Variants in ARMC9 observed in about 807,000 individuals in gnomAD.
ARMC9 encodes the protein armadillo repeat containing 9.
In ARMC9, 94 loss-of-function variants were observed where a neutral mutation model predicts 107.0. The observed-to-expected ratio is 0.88, with a 90% CI of 0.74 to 1.04. ARMC9 has a LOEUF of 1.04. Among genes scored for constraint, ARMC9 ranks in the 50% least tolerant of loss-of-function variants. The probability of loss-of-function intolerance (pLI) is 0.00; values close to 1 mark genes in which losing one functional copy is unlikely to be tolerated. For synonymous variants in ARMC9, 380 were observed against 396.9 expected (o/e 0.96, Z 0.51); for missense variants, 942 against 1,030.1 (o/e 0.91, Z 1.17).
intron 19 of ARMC9, among the ~76,000 whole-genome samples, chr2:231,327,266 C>A (rs2043391624): frequency 6.6e-6 from 1 of 152,156 alleles, no homozygotes; most frequent in African/African-American, 2.4e-5. Flanking sequence ...ATTTTTAACT[C>A]TTCTGTTTTT....
Position 231,206,206 on chromosome 2 carries a change from G to A in ARMC9, c.-33G>A. ...GTATTTTTGCCTTCTAGAGATTTTT[G>A]CTGTGAGAATTAATTACCAGTAACA... is the stretch of plus-strand genomic sequence containing the variant. On this transcript the variant is annotated 5_prime_UTR_variant, in exon 2 of 25. Coordinates refer to ENST00000611582, the MANE Select transcript of ARMC9 (RefSeq NM_001352754.2). 1 of 1,596,658 alleles carries A rather than the reference G, an allele frequency of 6.3e-7. No individual in the cohort carries two copies. Among genetic ancestry groups the A allele is most frequent in the Admixed American group, 1.7e-5 (1 of 59,436 alleles).
At chr2:231,204,135 C>T (rs1054237994) in intron 1 of ARMC9, among the ~76,000 whole-genome samples, 4 of 147,140 alleles carry the variant, frequency 2.7e-5, no homozygotes, top group African/African-American at 1.0e-4. Context: ...GATCATGTCA[C>T]TGCACTCTAG....
At position 231,297,639 on chromosome 2, in the gene ARMC9, A is replaced by C. The variant is rs1447743005; in HGVS notation, c.1773+1386A>C. Among the ~76,000 whole-genome samples, 1 of 152,182 alleles carries C rather than the reference A, an allele frequency of 6.6e-6. No individual in the cohort carries two copies. The highest frequency in any genetic ancestry group is 1.5e-5 in the Non-Finnish European group (1 of 68,028). On this transcript the variant is annotated intron_variant, in intron 19 of 24. Transcript: ENST00000611582. This position sits in a 1 kb window ranked among gnomAD's most constrained non-coding sequence, Gnocchi z 4.2. ...TAAATATTCTTTCAAATACTTAAAA[A>C]CACAAAAATCATTCTTAGCTGGCGA...
At chr2:231,203,737 A>G (rs1264539546) in intron 1 of ARMC9, among the ~76,000 whole-genome samples, 1 of 152,172 alleles carries the variant, frequency 6.6e-6, no homozygotes, top group Non-Finnish European at 1.5e-5. Flanking sequence ...AGGCAGGTGG[A>G]TCACCTGAGG....
At chr2:231,346,168 C>T (rs2044804714) in intron 21 of ARMC9, among the ~76,000 whole-genome samples, 1 of 152,140 alleles carries the variant, frequency 6.6e-6, no homozygotes. Context: ...CTAGTACATG[C>T]CCTTTTCTCT....
At chr2:231,258,127 TGACCACACCTTCTACCTCCTTG>T (rs981919130) in intron 10 of ARMC9, among the ~76,000 whole-genome samples, 2 of 152,288 alleles carry the variant, frequency 1.3e-5, no homozygotes, top group African/African-American at 4.8e-5. Context: ...TGCTGCTTCC[TGACCACACCTTCTACCTCCTTG>T]GAGGGCTAAG....
rs561769748 is a variant in ARMC9 at position 231,297,386 on chromosome 2, G to C, written c.1773+1133G>C. ...CTTGAGCTCACACAGAGAGTTGATG[G>C]TGGTAAAATTGGGTTTAGAACAGGA... On this transcript the variant is annotated intron_variant, in intron 19 of 24. Coordinates refer to ENST00000611582, the MANE Select transcript of ARMC9 (RefSeq NM_001352754.2). This position sits in a 1 kb window ranked among gnomAD's most constrained non-coding sequence, Gnocchi z 4.2. Among the ~76,000 whole-genome samples the C allele has an allele frequency of 4.6e-5, 7 of 152,304 alleles. No homozygotes were observed. The highest frequency in any genetic ancestry group is 3.4e-3 in the Middle Eastern group (1 of 294).
chr2:231,254,872 T>C (rs985000725), intron 9 of ARMC9, among the ~76,000 whole-genome samples: 1 of 152,120 alleles, frequency 6.6e-6, no homozygotes, highest in Non-Finnish European at 1.5e-5. Context: ...GCCCCCACCC[T>C]GGAGTTCTTT....
chr2:231,294,172 C>T (rs3731779), intron 18 of ARMC9: 64,194 of 152,118 alleles, frequency 0.42, 15,885 homozygotes, highest in African/African-American at 0.69. Flanking sequence ...TATATTTTAG[C>T]GACCTAACCC....
intron 12 of ARMC9, chr2:231,270,410 T>A (rs2039224063): frequency 2.9e-6 from 1 of 350,494 alleles, no homozygotes. Flanking sequence ...CATTCGTCTT[T>A]ATTTTTCTTC....
chr2:231,254,816 G>T (rs961045646), intron 9 of ARMC9, among the ~76,000 whole-genome samples: 4 of 152,018 alleles, frequency 2.6e-5, no homozygotes, highest in African/African-American at 9.7e-5. Context: ...GCAATAAATG[G>T]CATTTCACTA....
In ARMC9 at chr2:231,255,855, G is replaced by A. The variant is rs552369467; in HGVS notation, c.880-731G>A. ...GATTGAGACCATCCTGGCTAACACG[G>A]TGAAACCCCGTTTCTACTAAAAATA... On this transcript the variant is annotated intron_variant, in intron 9 of 24. Coordinates refer to ENST00000611582, the MANE Select transcript of ARMC9 (RefSeq NM_001352754.2). This position sits in a 1 kb window ranked among gnomAD's most constrained non-coding sequence, Gnocchi z 4.7. 6.6e-6 allele frequency among the ~76,000 whole-genome samples: 1 copy of A among 152,244 alleles called. No homozygotes were observed. Among genetic ancestry groups the A allele is most frequent in the African/African-American group, 2.4e-5 (1 of 41,548 alleles).
chr2:231,270,925 G>A (rs566424257), intron 12 of ARMC9, 57 bp from the exon 13 acceptor site: 355 of 1,461,028 alleles, frequency 2.4e-4, no homozygotes, highest in Admixed American at 3.9e-4. Flanking sequence ...AAGAGGAGGC[G>A]TGTGTTTATC....
Position 231,335,388 on chromosome 2 carries a change from G to A in ARMC9, c.1878+3491G>A, listed in dbSNP as rs76807354. On this transcript the variant is annotated intron_variant, in intron 20 of 24. Coordinates refer to ENST00000611582, the MANE Select transcript of ARMC9 (RefSeq NM_001352754.2). ...GAGTAAGGGTGGAGGTGCGACTGGG[G>A]CGTCCGCCAGAGTGTTCGGGGATGG... 2.2e-4 allele frequency among the ~76,000 whole-genome samples: 34 copies of A among 152,322 alleles called. No homozygotes were observed. The East Asian group carries it at 5.6e-3, about 25-fold the overall frequency.
intron 19 of ARMC9, among the ~76,000 whole-genome samples, chr2:231,322,533 G>A (rs936518723): frequency 7.2e-5 from 11 of 152,196 alleles, no homozygotes; most frequent in Non-Finnish European, 1.3e-4. Flanking sequence ...AATGCATTTA[G>A]TGGTCACCCT....
intron 20 of ARMC9, among the ~76,000 whole-genome samples, chr2:231,338,535 CTTTT>C (rs764466867): frequency 3.8e-5 from 4 of 104,822 alleles, no homozygotes; most frequent in African/African-American, 4.3e-5. Flanking sequence ...CCCCAATTCA[CTTTT>C]TTTTTTTTTT....
intron 8 of ARMC9, among the ~76,000 whole-genome samples, chr2:231,237,503 G>A (rs992900156): frequency 2.0e-5 from 3 of 151,746 alleles, no homozygotes; most frequent in Admixed American, 2.0e-4. Context: ...AATTGCTAGG[G>A]CAAAGGTATG....
chr2:231,316,788 A>T (rs1200193426), intron 19 of ARMC9, among the ~76,000 whole-genome samples: 1 of 152,116 alleles, frequency 6.6e-6, no homozygotes, highest in African/African-American at 2.4e-5. Flanking sequence ...TTTGTGACAG[A>T]GTCTCACTGT....
intron 14 of ARMC9, among the ~76,000 whole-genome samples, chr2:231,274,008 A>AT (rs2125438794): frequency 6.6e-6 from 1 of 152,288 alleles, no homozygotes; most frequent in Admixed American, 6.5e-5. Context: ...CTCTTTTGTG[A>AT]CTGGCTTCTC....
Sources: gnomAD v4.1 joint callset for allele counts (sites outside exome capture counted in the v4.1 genomes callset) on GRCh38, gnomAD v4.1.1 for gene constraint, Gnocchi (gnomAD v3.1) non-coding constraint, MANE v1.5 for transcripts, NCBI Gene and HGNC (gene_info 2026-07-23, HGNC 2026-07-21) for gene names.